Variants in AFF4 observed in about 807,000 individuals in gnomAD.
The protein encoded by AFF4 is ALF transcription elongation factor 4, also known as AF4/FMR2 family member 4.
AFF4 carries 13 observed loss-of-function variants against 124.8 expected under a neutral mutation model. The observed-to-expected ratio is 0.10, with a 90% CI of 0.07 to 0.17. The LOEUF (loss-of-function observed/expected upper bound fraction) is 0.17, where lower values mean the gene tolerates loss of function less well. Ranked by LOEUF, AFF4 falls within the 10% of genes least tolerant of loss-of-function variation. The probability of loss-of-function intolerance (pLI) is 1.00; values close to 1 mark genes in which losing one functional copy is unlikely to be tolerated. For synonymous variants in AFF4, 477 were observed against 496.1 expected, an observed-to-expected ratio of 0.96 and a Z score of 0.51; for missense variants, 1,092 against 1,403.8, an observed-to-expected ratio of 0.78 and a Z score of 3.55.
intron 1 of AFF4, among the ~76,000 whole-genome samples, chr5:132,959,766 T>C (rs1374300226): frequency 7.3e-6 from 1 of 137,262 alleles, no homozygotes; most frequent in African/African-American, 2.8e-5. Flanking sequence ...TCTTTTTTTT[T>C]TTTTTTTTTT....
intron 4 of AFF4, among the ~76,000 whole-genome samples, chr5:132,929,078 G>A (rs1329171788): frequency 1.3e-5 from 2 of 151,990 alleles, no homozygotes; most frequent in Non-Finnish European, 2.9e-5. Flanking sequence ...TACATTTAGA[G>A]TGAATTTTTT....
At chr5:132,904,427 T>C (rs1355977891) in intron 5 of AFF4, 23 bp from the exon 6 acceptor site, 3 of 1,592,520 alleles carry the variant, frequency 1.9e-6, no homozygotes, top group African/African-American at 1.4e-5. Context: ...AACATAAAAT[T>C]ATACAAAGTT....
At chr5:132,931,898 C>G (rs1340163041) in intron 4 of AFF4, among the ~76,000 whole-genome samples, 1 of 151,874 alleles carries the variant, frequency 6.6e-6, no homozygotes, top group Non-Finnish European at 1.5e-5. Context: ...GAGCCAAGAT[C>G]GCGCCACTGC....
At chr5:132,914,842 C>A (rs889442463) in intron 5 of AFF4, among the ~76,000 whole-genome samples, 1 of 152,064 alleles carries the variant, frequency 6.6e-6, no homozygotes, top group African/African-American at 2.4e-5. Context: ...TTATAAAAAA[C>A]TTACAGCAAT....
At chr5:132,935,373 C>T (rs747606270) in intron 2 of AFF4, among the ~76,000 whole-genome samples, 6 of 152,180 alleles carry the variant, frequency 3.9e-5, no homozygotes, top group Non-Finnish European at 7.4e-5. Context: ...CACCTGTAAT[C>T]CCAGCACTTT....
chr5:132,909,525 C>T (rs943105960), intron 5 of AFF4, among the ~76,000 whole-genome samples: 2 of 151,824 alleles, frequency 1.3e-5, no homozygotes, highest in African/African-American at 4.8e-5. Context: ...TAGCATATTT[C>T]GTGGTGGTGT....
rs1489800666 is a variant in AFF4 at position 132,934,760 on chromosome 5, G to A, written c.305C>T (p.Ser102Phe). Residue 102 changes from serine (S) to phenylalanine (F), a missense_variant, in exon 3 of 21, where the codon TCT becomes TTT. Physicochemically the swap from Ser to Phe is radical, Grantham distance 155. Transcript: ENST00000265343. ...TGGAGTCCATTTGCTACTCTGATGA[G>A]AGCCTCCATGTCTCTGTTCAAAGAA... ...PNFFEQRHGGSHQSSKWTPVG... is the reference protein window; with the variant it reads ...PNFFEQRHGGFHQSSKWTPVG... 5.6e-6 allele frequency: 9 copies of A among 1,613,968 alleles called. No individual in the cohort carries two copies. The highest frequency in any genetic ancestry group is 6.8e-6 in the Non-Finnish European group (8 of 1,180,040).
chr5:132,938,739 C>T (rs556197140), intron 1 of AFF4, among the ~76,000 whole-genome samples: 4 of 151,566 alleles, frequency 2.6e-5, no homozygotes, highest in South Asian at 4.2e-4. Context: ...GTCAGGAGAT[C>T]GAGACCATCC....
At chr5:132,947,152 C>T (rs1175714058) in intron 1 of AFF4, among the ~76,000 whole-genome samples, 1 of 152,032 alleles carries the variant, frequency 6.6e-6, no homozygotes, top group Non-Finnish European at 1.5e-5. Context: ...ATCTGTAATC[C>T]CAGCACTTTG....
At chr5:132,902,130 C>T (rs1239001365) in intron 7 of AFF4, among the ~76,000 whole-genome samples, 3 of 152,184 alleles carry the variant, frequency 2.0e-5, no homozygotes, top group Non-Finnish European at 4.4e-5. Flanking sequence ...TCCCTACAAC[C>T]TCCACCTCCC....
chr5:132,955,422 T>C (rs1761930424), intron 1 of AFF4, among the ~76,000 whole-genome samples: 1 of 152,166 alleles, frequency 6.6e-6, no homozygotes, highest in South Asian at 2.1e-4. Context: ...GAATCTGATC[T>C]GATAGGAAGC....
chr5:132,939,018 G>A (rs564450689), intron 1 of AFF4, among the ~76,000 whole-genome samples: 99 of 140,698 alleles, frequency 7.0e-4, no homozygotes, highest in Middle Eastern at 4.5e-3. Flanking sequence ...TGGGAGGATC[G>A]CTTGACCTGC....
chr5:132,910,953 G>A (rs1365375352), intron 5 of AFF4, among the ~76,000 whole-genome samples: 1 of 152,048 alleles, frequency 6.6e-6, no homozygotes, highest in Non-Finnish European at 1.5e-5. Context: ...ACTATCACTG[G>A]AAAATCTCCC....
Position 132,923,011 on chromosome 5 carries a change from C to T in AFF4, c.1050+4110G>A, listed in dbSNP as rs981125186. On this transcript the variant is annotated intron_variant, in intron 5 of 20. Coordinates refer to ENST00000265343, the MANE Select transcript of AFF4 (RefSeq NM_014423.4). Reference sequence around the variant, plus strand: ...CCAACATGGTGAAACCTCGCCTCTACTAAAAACACAAAAAAGTAGCCGGGC... The same window carrying T: ...CCAACATGGTGAAACCTCGCCTCTATTAAAAACACAAAAAAGTAGCCGGGC... Among the ~76,000 whole-genome samples, 7 of 151,636 alleles carry T rather than the reference C, an allele frequency of 4.6e-5. No homozygotes were observed. The South Asian group carries it at 1.3e-3, about 27-fold the overall frequency.
At chr5:132,922,342 C>T (rs911148305) in intron 5 of AFF4, among the ~76,000 whole-genome samples, 3 of 151,938 alleles carry the variant, frequency 2.0e-5, no homozygotes, top group Non-Finnish European at 4.4e-5. Flanking sequence ...TGCTTGAGTC[C>T]GGGAGTTCGT....
At chr5:132,883,972 T>TG (rs1370698285) in intron 19 of AFF4, among the ~76,000 whole-genome samples, 2 of 152,212 alleles carry the variant, frequency 1.3e-5, no homozygotes, top group Non-Finnish European at 2.9e-5. Flanking sequence ...TGGTAGAAGA[T>TG]GGGAACATCT....
intron 12 of AFF4, among the ~76,000 whole-genome samples, chr5:132,892,821 A>T (rs1449316638): frequency 6.6e-6 from 1 of 152,210 alleles, no homozygotes; most frequent in African/African-American, 2.4e-5. Flanking sequence ...ATAAAAAATG[A>T]ATAAAGGAAG....
intron 17 of AFF4, 45 bp from the exon 18 acceptor site, chr5:132,886,448 C>CTG: frequency 3.8e-6 from 6 of 1,577,938 alleles, no homozygotes; most frequent in Non-Finnish European, 5.2e-6. Context: ...ACAGCAAACT[C>CTG]TGGCCAGATT....
intron 1 of AFF4, among the ~76,000 whole-genome samples, chr5:132,960,819 T>C (rs76419639): frequency 0.016 from 2,506 of 152,228 alleles, 66 homozygotes; most frequent in African/African-American, 0.057. Context: ...TCAAAGACCC[T>C]GTAACAGATC....
Sources: allele counts gnomAD v4.1 joint callset (sites outside exome capture counted in the v4.1 genomes callset), GRCh38; gene constraint gnomAD v4.1.1; transcripts MANE v1.5; gene names NCBI Gene and HGNC (gene_info 2026-07-23, HGNC 2026-07-21).